ITSN1: variants seen among roughly 807,000 people sequenced by gnomAD.
The protein encoded by ITSN1 is intersectin-1.
In ITSN1, 58 loss-of-function variants were observed where a neutral mutation model predicts 239.8. The ratio of observed to expected loss-of-function variants is 0.24; its 90% CI spans 0.20 to 0.30. The LOEUF (loss-of-function observed/expected upper bound fraction) is 0.30, where lower values mean the gene tolerates loss of function less well. ITSN1 is among the 10% of genes least tolerant of loss of function. The probability of loss-of-function intolerance (pLI) is 1.00; values close to 1 mark genes in which losing one functional copy is unlikely to be tolerated. For missense variants in ITSN1, 1,558 were observed against 2,103.3 expected (o/e 0.74, Z 5.07); for synonymous variants, 780 against 770.8 (o/e 1.01, Z -0.20).
intron 5 of ITSN1, among the ~76,000 whole-genome samples, chr21:33,748,915 A>G (rs1021119727): frequency 2.6e-5 from 4 of 152,184 alleles, no homozygotes; most frequent in Non-Finnish European, 5.9e-5. Flanking sequence ...TTAAACACTA[A>G]AATTTATTTA....
chr21:33,705,661 G>A (rs751601656), intron 1 of ITSN1, among the ~76,000 whole-genome samples: 1 of 152,034 alleles, frequency 6.6e-6, no homozygotes, highest in Non-Finnish European at 1.5e-5. Context: ...CAAAGTGCTG[G>A]GATTACAGGC....
chr21:33,852,612 C>T (rs972431309), intron 29 of ITSN1, among the ~76,000 whole-genome samples: 12 of 152,048 alleles, frequency 7.9e-5, no homozygotes, highest in Admixed American at 3.9e-4. Context: ...CTCTCCATTT[C>T]GTAAATGTGT....
intron 1 of ITSN1, among the ~76,000 whole-genome samples, chr21:33,659,084 G>C (rs557760822): frequency 4.6e-5 from 7 of 152,318 alleles, no homozygotes; most frequent in African/African-American, 1.7e-4. Context: ...AGGGAAGAGA[G>C]AGGGACTGGA....
chr21:33,799,641 T>C (rs1042878916), intron 18 of ITSN1, among the ~76,000 whole-genome samples, 167 bp from the exon 19 acceptor site: 2 of 152,188 alleles, frequency 1.3e-5, no homozygotes, highest in African/African-American at 2.4e-5. Flanking sequence ...CAGATTTGGC[T>C]GTGCTTTGGC....
At chr21:33,710,071 A>ATTTTT (rs869125255) in intron 1 of ITSN1, among the ~76,000 whole-genome samples, 1 of 139,438 alleles carries the variant, frequency 7.2e-6, no homozygotes, top group African/African-American at 2.7e-5. Flanking sequence ...GCTGAGAGGC[A>ATTTTT]TTTTTTTTTG....
At chr21:33,858,422 G>A (rs530404865) in intron 30 of ITSN1, among the ~76,000 whole-genome samples, 1 of 152,332 alleles carries the variant, frequency 6.6e-6, no homozygotes, top group South Asian at 2.1e-4. Context: ...GTCTGGTGGA[G>A]TTAAGACCTG....
At chr21:33,883,479 A>G in intron 35 of ITSN1, 71 bp from the exon 36 acceptor site, 1 of 1,577,374 alleles carries the variant, frequency 6.3e-7, no homozygotes, top group Middle Eastern at 1.7e-4. Context: ...AAGTGTGCTC[A>G]CACACTCACG....
At chr21:33,669,504 A>T (rs2090132648) in intron 1 of ITSN1, among the ~76,000 whole-genome samples, 1 of 147,896 alleles carries the variant, frequency 6.8e-6, no homozygotes, top group Admixed American at 6.8e-5. Context: ...TCGTGGTGCG[A>T]TCTCGGCTCA....
chr21:33,652,682 A>G (rs1601436521), intron 1 of ITSN1, among the ~76,000 whole-genome samples: 1 of 152,286 alleles, frequency 6.6e-6, no homozygotes, highest in South Asian at 2.1e-4. Flanking sequence ...AACCATCTCC[A>G]AAAACATCTT....
chr21:33,778,164 C>T (rs1378744976), intron 14 of ITSN1, among the ~76,000 whole-genome samples: 1 of 152,122 alleles, frequency 6.6e-6, no homozygotes, highest in Non-Finnish European at 1.5e-5. Flanking sequence ...TAAAATATTT[C>T]ACTACATTCC....
chr21:33,818,453 C>T lies in ITSN1; in HGVS notation c.2914C>T (p.Pro972Ser). ...PKSYVKLISG[P>S]IRKSTSMDSG... ...GTCTTACGTGAAACTCATTTCAGGGCCCATAAGGAAGTCTACAAGGTATTT... is the reference window on the plus strand; with the variant it reads ...GTCTTACGTGAAACTCATTTCAGGGTCCATAAGGAAGTCTACAAGGTATTT... The change falls in exon 23 of 40, where the codon CCC becomes TCC. Residue 972 changes from proline (P) to serine (S), a missense_variant. Physicochemically the swap from Pro to Ser is moderately conservative, Grantham distance 74. This residue lies in a region of ITSN1 where 982 missense variants were observed against 1,209.9 expected (regional missense o/e 0.81). Coordinates refer to ENST00000381318, the MANE Select transcript of ITSN1 (RefSeq NM_003024.3). The T allele has an allele frequency of 1.2e-6, 2 of 1,613,760 alleles. No homozygotes were observed. The highest frequency in any genetic ancestry group is 1.7e-6 in the Non-Finnish European group (2 of 1,179,696).
chr21:33,681,106 A>G (rs1192958504), intron 1 of ITSN1, among the ~76,000 whole-genome samples: 1 of 152,214 alleles, frequency 6.6e-6, no homozygotes, highest in Admixed American at 6.5e-5. Flanking sequence ...GCAGGGCCTC[A>G]GTAAGCAAGA....
At chr21:33,876,882 CAGATATAGATATAGATGT>C (rs979448277) in intron 34 of ITSN1, among the ~76,000 whole-genome samples, 2 of 148,124 alleles carry the variant, frequency 1.4e-5, no homozygotes, top group African/African-American at 4.9e-5. Context: ...AAACAACAAA[CAGATATAGATATAGATGT>C]AGATATAGAT....
intron 16 of ITSN1, among the ~76,000 whole-genome samples, chr21:33,786,231 G>A (rs2070663701): frequency 6.6e-6 from 1 of 152,188 alleles, no homozygotes. Flanking sequence ...TTTTAATTCA[G>A]TGGGTAAAAT....
chr21:33,829,468 G>T, intron 26 of ITSN1, 156 bp from the exon 27 acceptor site: 1 of 744,502 alleles, frequency 1.3e-6, no homozygotes, highest in Non-Finnish European at 2.2e-6. Context: ...TCTGGGAACG[G>T]GCGATTCAGG....
At chr21:33,766,436 C>A (rs1282786270) in intron 10 of ITSN1, among the ~76,000 whole-genome samples, 1 of 152,076 alleles carries the variant, frequency 6.6e-6, no homozygotes, top group African/African-American at 2.4e-5. Context: ...AGAAAATTAC[C>A]CTGGACTGAA....
intron 1 of ITSN1, among the ~76,000 whole-genome samples, chr21:33,665,046 C>T (rs552533177): frequency 8.5e-5 from 13 of 152,128 alleles, no homozygotes; most frequent in African/African-American, 2.6e-4. Flanking sequence ...GGGTGGATCA[C>T]GAGGTCAGGA....
At chr21:33,795,583 G>A (rs2148025546) in intron 17 of ITSN1, among the ~76,000 whole-genome samples, 1 of 152,182 alleles carries the variant, frequency 6.6e-6, no homozygotes, top group African/African-American at 2.4e-5. Context: ...TTGTTTTTCA[G>A]TGCCAGTGGG....
chr21:33,702,185 A>G (rs2092052946), intron 1 of ITSN1, among the ~76,000 whole-genome samples: 1 of 145,672 alleles, frequency 6.9e-6, no homozygotes, highest in African/African-American at 2.6e-5. Context: ...GCACTATCTC[A>G]GGTCACTGCA....
Sources: allele counts gnomAD v4.1 joint callset (sites outside exome capture counted in the v4.1 genomes callset), GRCh38; gene constraint gnomAD v4.1.1; regional missense constraint gnomAD v4.1.1; transcripts MANE v1.5; gene names NCBI Gene and HGNC (gene_info 2026-07-23, HGNC 2026-07-21).